Variants in CLK4 observed in about 807,000 individuals in gnomAD.
CLK4 encodes dual specificity protein kinase CLK4.
Under a neutral mutation model 64.4 loss-of-function variants are expected in CLK4, and 37 were observed. That is an observed-to-expected ratio of 0.57 (90% CI 0.44 to 0.76). CLK4 has a LOEUF of 0.76. Ranked by LOEUF, CLK4 falls within the 30% of genes least tolerant of loss-of-function variation. CLK4 has a pLI of 0.00. For missense variants in CLK4, 457 were observed against 605.1 expected (o/e 0.76, Z 2.57); for synonymous variants, 175 against 191.6 (o/e 0.91, Z 0.72).
At chr5:178,620,653 G>C (rs188659247) in intron 2 of CLK4, 38 of 450,196 alleles carry the variant, frequency 8.4e-5, no homozygotes, top group African/African-American at 7.4e-4. Context: ...AAGGGCATTC[G>C]TTTTTATATC....
In CLK4 at chr5:178,613,985, A is replaced by G. The variant is rs191156945; in HGVS notation, c.543-142T>C. 53 of 592,080 alleles carry G rather than the reference A, an allele frequency of 9.0e-5. No homozygotes were observed. In the East Asian group the frequency reaches 1.3e-3, roughly 15 times the overall value. 36.7% of individuals were successfully genotyped at this position (592,080 alleles called of 1,614,324 possible). ...CAGAACATATTATAGCAGATTCCAT[A>G]TAACATCTTCTTAAAACATTTTGAT... On this transcript the variant is annotated intron_variant, in intron 5 of 12. Transcript: ENST00000316308.
chr5:178,626,618 C>T (rs1160253146), intron 1 of CLK4, among the ~76,000 whole-genome samples: 1 of 152,212 alleles, frequency 6.6e-6, no homozygotes, highest in East Asian at 1.9e-4. Context: ...AAGGGTCTCC[C>T]GACAGGTCCT....
Position 178,602,749 on chromosome 5 carries a change from CCT to C in CLK4, c.*866_*867del, listed in dbSNP as rs1170144361. 2 of 152,218 alleles carry C rather than the reference CCT, an allele frequency of 1.3e-5. No homozygotes were observed. Among genetic ancestry groups the C allele is most frequent in the Non-Finnish European group, 2.9e-5 (2 of 68,044 alleles). The allele number at this position is 152,218 out of a possible 1,614,324, so 9.4% of individuals were successfully genotyped here. A position where few individuals can be genotyped will look rare whatever the true frequency, so the allele number is the denominator to read the frequency against. ...TTCCCAAACTGCTTTCCAATCAAAT[CCT>C]CTTTCTCCCGTAAGAATTATCACAG... On this transcript the variant is annotated 3_prime_UTR_variant, in exon 13 of 13. Transcript: ENST00000316308.
In CLK4 at chr5:178,612,610, G is replaced by A; in HGVS notation, c.922-65C>T. 3 of 1,492,010 alleles carry A rather than the reference G, an allele frequency of 2.0e-6. 1 individual carries two copies. The highest frequency in any genetic ancestry group is 4.6e-5 in the East Asian group (2 of 43,930). 92.4% of individuals were successfully genotyped at this position (1,492,010 alleles called of 1,614,324 possible). On this transcript the variant is annotated intron_variant, in intron 8 of 12. Transcript: ENST00000316308. The stretch of plus-strand genomic sequence containing the variant: ...TACATTTTATAGCGCTACTCAAAAG[G>A]CCAGCACATGAATTATCTTCTTGAT...
chr5:178,614,883 CCTAT>C (rs1359496452), intron 5 of CLK4, among the ~76,000 whole-genome samples: 5 of 152,180 alleles, frequency 3.3e-5, no homozygotes, highest in African/African-American at 9.7e-5. Flanking sequence ...AGCTTCTACT[CCTAT>C]CTATTTAATT....
At chr5:178,612,942 A>C in intron 7 of CLK4, 52 bp from the exon 8 acceptor site, 1 of 919,668 alleles carries the variant, frequency 1.1e-6, no homozygotes, top group Non-Finnish European at 1.7e-6. Flanking sequence ...CTTAATTTGT[A>C]CTAGGAGGGA....
rs752859251 is a variant in CLK4 at position 178,617,480 on chromosome 5, A to T, written c.385-46T>A. On this transcript the variant is annotated intron_variant, in intron 3 of 12. Transcript: ENST00000316308. The surrounding 1 kb of genome is among the most constrained non-coding windows in gnomAD (Gnocchi z 5.2). ...CACCAAGATCGTCCAGCCAATCAAT[A>T]TATCAGAGTGAATTCAGGGCAGAAT... is the stretch of plus-strand genomic sequence containing the variant. 1 of 1,507,842 alleles carries T rather than the reference A, an allele frequency of 6.6e-7. No individual in the cohort carries two copies. Among genetic ancestry groups the T allele is most frequent in the Admixed American group, 1.7e-5 (1 of 58,796 alleles). The allele number at this position is 1,507,842 out of a possible 1,614,324, so 93.4% of individuals were successfully genotyped here. A position where few individuals can be genotyped will look rare whatever the true frequency, so the allele number is the denominator to read the frequency against.
At chr5:178,612,149 T>TTAGC (rs60626071) in intron 9 of CLK4, among the ~76,000 whole-genome samples, 17,669 of 152,202 alleles carry the variant, frequency 0.12, 1,305 homozygotes, top group East Asian at 0.35. Context: ...TTTGATGCAT[T>TTAGC]TAGCTAACAC....
At position 178,618,551 on chromosome 5, in the gene CLK4, C is replaced by T; in HGVS notation, c.384+5G>A. 1 of 1,600,702 alleles carries T rather than the reference C, an allele frequency of 6.2e-7. No individual in the cohort carries two copies. Among genetic ancestry groups the T allele is most frequent in the Non-Finnish European group, 8.5e-7 (1 of 1,171,394 alleles). ...CACTCAAATTGAAAACAAAACCAAT[C>T]ATACCGAACGTGACTGATGACTTGA... On this transcript the variant is annotated splice_donor_5th_base_variant and intron_variant, in intron 3 of 12. Transcript: ENST00000316308.
Position 178,617,497 on chromosome 5 carries a change from G to C in CLK4, c.385-63C>G. The stretch of plus-strand genomic sequence containing the variant: ...CAATCAATATATCAGAGTGAATTCA[G>C]GGCAGAATACGCAATTCATTCAGCG... On this transcript the variant is annotated intron_variant, in intron 3 of 12. Transcript: ENST00000316308. The surrounding 1 kb of genome is among the most constrained non-coding windows in gnomAD (Gnocchi z 5.2). The C allele has an allele frequency of 7.0e-7, 1 of 1,431,456 alleles. No homozygotes were observed. Among genetic ancestry groups the C allele is most frequent in the Non-Finnish European group, 9.8e-7 (1 of 1,023,360 alleles). 88.7% of individuals were successfully genotyped at this position (1,431,456 alleles called of 1,614,324 possible). A position where few individuals can be genotyped will look rare whatever the true frequency, so the allele number is the denominator to read the frequency against.
At chr5:178,606,702 C>A (rs201333236) in intron 10 of CLK4, among the ~76,000 whole-genome samples, 1 of 152,176 alleles carries the variant, frequency 6.6e-6, no homozygotes, top group Non-Finnish European at 1.5e-5. Context: ...GTGGCTCACA[C>A]CTGTAATCCC....
chr5:178,607,728 T>C (rs1401840843), intron 10 of CLK4, among the ~76,000 whole-genome samples: 1 of 151,908 alleles, frequency 6.6e-6, no homozygotes, highest in Non-Finnish European at 1.5e-5. Context: ...GCCAGGATGG[T>C]CTCGATCTCC....
At chr5:178,618,493 T>A in intron 3 of CLK4, 63 bp downstream of exon 3, 1 of 822,788 alleles carries the variant, frequency 1.2e-6, no homozygotes, top group East Asian at 2.9e-5. Context: ...TAGAAACTTA[T>A]CAGCTCGTTA....
At chr5:178,608,797 T>C (rs1764502835) in intron 9 of CLK4, among the ~76,000 whole-genome samples, 1 of 152,230 alleles carries the variant, frequency 6.6e-6, no homozygotes, top group Non-Finnish European at 1.5e-5. Context: ...AAAACCATTA[T>C]TATGCTCAGT....
chr5:178,615,291 A>G (rs1764612457), intron 5 of CLK4, among the ~76,000 whole-genome samples: 1 of 152,244 alleles, frequency 6.6e-6, no homozygotes, highest in Non-Finnish European at 1.5e-5. Context: ...AAATCTGAAT[A>G]AAGTCTGCAG....
chr5:178,610,373 C>T (rs1409893696), intron 9 of CLK4, among the ~76,000 whole-genome samples: 1 of 152,094 alleles, frequency 6.6e-6, no homozygotes, highest in Non-Finnish European at 1.5e-5. Flanking sequence ...TTCTGCAGTA[C>T]ACCATTCTAA....
chr5:178,620,703 G>A (rs1764696805), intron 2 of CLK4: 1 of 361,448 alleles, frequency 2.8e-6, no homozygotes, highest in Non-Finnish European at 5.6e-6. Context: ...AATTATATAA[G>A]GCAAAGTCCC....
intron 2 of CLK4, chr5:178,621,960 T>C (rs180980806): frequency 6.6e-6 from 1 of 152,284 alleles, no homozygotes; most frequent in African/African-American, 2.4e-5. Flanking sequence ...CTTCAAAAAT[T>C]AGAATATTCT....
At chr5:178,611,017 G>A (rs1264061785) in intron 9 of CLK4, among the ~76,000 whole-genome samples, 1 of 151,382 alleles carries the variant, frequency 6.6e-6, no homozygotes, top group African/African-American at 2.4e-5. Flanking sequence ...AGGTTGCAGT[G>A]AGCCGAGATG....
Sources: allele counts gnomAD v4.1 joint callset (sites outside exome capture counted in the v4.1 genomes callset), GRCh38; gene constraint gnomAD v4.1.1; non-coding constraint Gnocchi (gnomAD v3.1); transcripts MANE v1.5; gene names NCBI Gene and HGNC (gene_info 2026-07-23, HGNC 2026-07-21).